Variants in OTUD7A observed in about 807,000 individuals in gnomAD.
The protein encoded by OTUD7A is OTU domain-containing protein 7A.
OTUD7A carries 12 observed loss-of-function variants against 65.7 expected under a neutral mutation model. The ratio of observed to expected loss-of-function variants is 0.18; its 90% CI spans 0.12 to 0.30. OTUD7A has a LOEUF of 0.30. Among genes scored for constraint, OTUD7A ranks in the 10% least tolerant of loss-of-function variants. The pLI, the probability that OTUD7A is intolerant of heterozygous loss-of-function variation, is 1.00. For synonymous variants in OTUD7A, 641 were observed against 586.3 expected (o/e 1.09, Z -1.35); for missense variants, 1,148 against 1,304.8 (o/e 0.88, Z 1.85).
At chr15:31,816,090 T>C (rs1896541961) in intron 1 of OTUD7A, among the ~76,000 whole-genome samples, 1 of 152,200 alleles carries the variant, frequency 6.6e-6, no homozygotes, top group Non-Finnish European at 1.5e-5. Context: ...AAGCATTGCC[T>C]GCTCTGGGCA....
intron 1 of OTUD7A, chr15:31,768,212 G>A (rs1007424276): frequency 2.1e-5 from 22 of 1,032,538 alleles, no homozygotes; most frequent in Non-Finnish European, 2.5e-5. Flanking sequence ...AGGTCTGTCA[G>A]CGTCCGGTGG....
intron 1 of OTUD7A, among the ~76,000 whole-genome samples, chr15:31,806,804 C>T (rs1896281698): frequency 6.6e-6 from 1 of 152,252 alleles, no homozygotes; most frequent in Non-Finnish European, 1.5e-5. Context: ...AGCAGGAGAA[C>T]TGAGTATCTC....
intron 1 of OTUD7A, among the ~76,000 whole-genome samples, chr15:31,822,085 T>C (rs1476318627): frequency 1.3e-5 from 2 of 152,252 alleles, no homozygotes; most frequent in Non-Finnish European, 2.9e-5. Flanking sequence ...AGGTAGTATT[T>C]GCAGCATAGA....
At chr15:31,726,345 A>ATG (rs1566990455) in intron 1 of OTUD7A, among the ~76,000 whole-genome samples, 1 of 36,640 alleles carries the variant, frequency 2.7e-5, no homozygotes. Flanking sequence ...ACACACACAC[A>ATG]CGCACACACA....
At chr15:31,726,496 T>C (rs1235704812) in intron 1 of OTUD7A, among the ~76,000 whole-genome samples, 1 of 152,046 alleles carries the variant, frequency 6.6e-6, no homozygotes, top group African/African-American at 2.4e-5. Flanking sequence ...GAAAGGGAGA[T>C]CTAAGCTTGA....
intron 1 of OTUD7A, among the ~76,000 whole-genome samples, chr15:31,761,799 T>G (rs190693542): frequency 6.6e-6 from 1 of 152,332 alleles, no homozygotes; most frequent in Non-Finnish European, 1.5e-5. Context: ...ATGTGATATA[T>G]CCATACAATT....
At chr15:31,713,374 T>C (rs1408201248) in intron 1 of OTUD7A, among the ~76,000 whole-genome samples, 1 of 152,134 alleles carries the variant, frequency 6.6e-6, no homozygotes, top group Non-Finnish European at 1.5e-5. Flanking sequence ...ATCCCAGCAC[T>C]TTGGGAGGCT....
chr15:31,766,458 G>A, intron 1 of OTUD7A: 2 of 1,587,382 alleles, frequency 1.3e-6, no homozygotes, highest in Non-Finnish European at 8.6e-7. Context: ...TGGAAGTAAA[G>A]AGTCTTCTGA....
intron 5 of OTUD7A, among the ~76,000 whole-genome samples, chr15:31,549,566 T>C (rs1378795912): frequency 1.3e-5 from 2 of 152,110 alleles, no homozygotes; most frequent in Admixed American, 1.3e-4. Context: ...AAAAGGGAGA[T>C]TATCCTGGGT....
At chr15:31,789,739 A>C (rs1895765112) in intron 1 of OTUD7A, among the ~76,000 whole-genome samples, 2 of 132,874 alleles carry the variant, frequency 1.5e-5, no homozygotes, top group African/African-American at 2.9e-5. Context: ...ACCGAGTTTC[A>C]CTCTCGTCCA....
At chr15:31,658,144 T>G (rs1892047555) in intron 1 of OTUD7A, among the ~76,000 whole-genome samples, 1 of 152,156 alleles carries the variant, frequency 6.6e-6, no homozygotes, top group African/African-American at 2.4e-5. Flanking sequence ...CTCAGTTTCC[T>G]CATCAATACA....
Position 31,478,478 on chromosome 15 carries a change from A to G in OTUD7A, c.*4816T>C, listed in dbSNP as rs1224431265. On this transcript the variant is annotated 3_prime_UTR_variant, in exon 13 of 13. Transcript: ENST00000307050. Reference sequence around the variant, plus strand: ...GCAAGATTAAAATAGCAAAAATGCAATTTTCAACAAATCATTTGGCAAAAT... The same window carrying G: ...GCAAGATTAAAATAGCAAAAATGCAGTTTTCAACAAATCATTTGGCAAAAT... The G allele has an allele frequency of 6.6e-6, 1 of 152,242 alleles. No homozygotes were observed. The highest frequency in any genetic ancestry group is 2.4e-5 in the African/African-American group (1 of 41,526). 9.4% of individuals were successfully genotyped at this position (152,242 alleles called of 1,614,324 possible).
chr15:31,515,377 G>A (rs543756181), intron 8 of OTUD7A, among the ~76,000 whole-genome samples: 1 of 152,256 alleles, frequency 6.6e-6, no homozygotes, highest in East Asian at 1.9e-4. Flanking sequence ...TGAAGGCTCA[G>A]TATTGGGCAC....
At chr15:31,822,817 G>A (rs914402821) in intron 1 of OTUD7A, among the ~76,000 whole-genome samples, 19 of 152,292 alleles carry the variant, frequency 1.2e-4, no homozygotes, top group Middle Eastern at 3.4e-3. Flanking sequence ...AAATATCTTT[G>A]TATAGACTTG....
intron 1 of OTUD7A, among the ~76,000 whole-genome samples, chr15:31,809,455 C>G (rs1185571087): frequency 6.6e-6 from 1 of 152,150 alleles, no homozygotes; most frequent in Non-Finnish European, 1.5e-5. Context: ...TCCTGCTTTC[C>G]CTGCCTCTAT....
At chr15:31,787,027 A>T (rs1266885944) in intron 1 of OTUD7A, among the ~76,000 whole-genome samples, 2 of 152,224 alleles carry the variant, frequency 1.3e-5, no homozygotes, top group Admixed American at 6.5e-5. Context: ...AAAGGGGACT[A>T]GTCAGCTTTT....
At chr15:31,721,333 A>G (rs1774070056) in intron 1 of OTUD7A, among the ~76,000 whole-genome samples, 1 of 151,944 alleles carries the variant, frequency 6.6e-6, no homozygotes. Flanking sequence ...AGAAGGCATT[A>G]GAACAGTATC....
chr15:31,548,231 C>T (rs1888200502), intron 5 of OTUD7A, among the ~76,000 whole-genome samples: 1 of 134,286 alleles, frequency 7.4e-6, no homozygotes, highest in African/African-American at 2.5e-5. Flanking sequence ...TGGGCCACCC[C>T]CCTTCACTTT....
At chr15:31,502,867 C>CT (rs1191656882) in intron 9 of OTUD7A, among the ~76,000 whole-genome samples, 1 of 152,250 alleles carries the variant, frequency 6.6e-6, no homozygotes, top group East Asian at 1.9e-4. Context: ...AGTTCCCTGG[C>CT]TACATAACCA....
Sources: gnomAD v4.1 joint callset for allele counts (sites outside exome capture counted in the v4.1 genomes callset) on GRCh38, gnomAD v4.1.1 for gene constraint, MANE v1.5 for transcripts, NCBI Gene and HGNC (gene_info 2026-07-23, HGNC 2026-07-21) for gene names.